ZBTB7C: variants seen among roughly 807,000 people sequenced by gnomAD.
ZBTB7C encodes the protein zinc finger and BTB domain-containing protein 7C.
In ZBTB7C, 8 loss-of-function variants were observed where a neutral mutation model predicts 25.7. The observed-to-expected ratio is 0.31, with a 90% CI of 0.18 to 0.56. ZBTB7C has a LOEUF of 0.56. Ranked by LOEUF, ZBTB7C falls within the 20% of genes least tolerant of loss-of-function variation. ZBTB7C has a pLI of 0.91. For synonymous variants in ZBTB7C, 394 were observed against 369.0 expected (o/e 1.07, Z -0.78); for missense variants, 824 against 855.2 (o/e 0.96, Z 0.46).
intron 3 of ZBTB7C, chr18:48,083,755 GAC>G: frequency 1.2e-6 from 1 of 868,296 alleles, no homozygotes; most frequent in South Asian, 5.3e-5. Context: ...AAGTTCCCCT[GAC>G]TGTAAATGGT....
At chr18:48,086,430 C>T (rs1249141737) in intron 3 of ZBTB7C, among the ~76,000 whole-genome samples, 1 of 152,150 alleles carries the variant, frequency 6.6e-6, no homozygotes, top group Non-Finnish European at 1.5e-5. Context: ...CTACCTACTG[C>T]CCTGTAAAGC....
intron 2 of ZBTB7C, among the ~76,000 whole-genome samples, chr18:48,222,254 T>G (rs2042981935): frequency 1.3e-5 from 2 of 152,176 alleles, no homozygotes; most frequent in Non-Finnish European, 2.9e-5. Context: ...AAGCATCCTG[T>G]GAACCCGGAT....
chr18:48,327,649 A>C (rs2046251379), intron 2 of ZBTB7C, among the ~76,000 whole-genome samples: 1 of 152,184 alleles, frequency 6.6e-6, no homozygotes, highest in Non-Finnish European at 1.5e-5. Flanking sequence ...CTTGGAGAAG[A>C]ATCGCTGGAG....
intron 3 of ZBTB7C, among the ~76,000 whole-genome samples, chr18:48,094,565 T>C (rs2038544075): frequency 6.6e-6 from 1 of 152,176 alleles, no homozygotes; most frequent in Non-Finnish European, 1.5e-5. Flanking sequence ...AGAAGGTAGA[T>C]TGAGTTCAGG....
At chr18:48,174,727 G>A (rs77543968) in intron 3 of ZBTB7C, among the ~76,000 whole-genome samples, 6,184 of 152,266 alleles carry the variant, frequency 0.041, 144 homozygotes, top group Middle Eastern at 0.088. Context: ...GACCTCTATG[G>A]GCTGATATGA....
chr18:48,324,514 C>T (rs1169562688), intron 2 of ZBTB7C, among the ~76,000 whole-genome samples: 1 of 151,886 alleles, frequency 6.6e-6, no homozygotes, highest in Non-Finnish European at 1.5e-5. Flanking sequence ...GTGGATACCC[C>T]AAAAACTCAC....
At chr18:48,172,338 T>A (rs1410911281) in intron 3 of ZBTB7C, among the ~76,000 whole-genome samples, 1 of 152,138 alleles carries the variant, frequency 6.6e-6, no homozygotes, top group Admixed American at 6.5e-5. Context: ...TTTGCACAGC[T>A]TGGTGGAGCA....
At chr18:48,326,783 T>C (rs967059557) in intron 2 of ZBTB7C, among the ~76,000 whole-genome samples, 7 of 152,126 alleles carry the variant, frequency 4.6e-5, no homozygotes, top group African/African-American at 1.7e-4. Flanking sequence ...AAATAAACAC[T>C]ATGGGGACAA....
At chr18:48,284,854 C>T (rs1266232378) in intron 2 of ZBTB7C, among the ~76,000 whole-genome samples, 1 of 151,154 alleles carries the variant, frequency 6.6e-6, no homozygotes, top group Admixed American at 6.6e-5. Flanking sequence ...TCCCCAGCCT[C>T]CTTTGGTTTT....
chr18:48,342,983 C>A (rs1479929618), intron 1 of ZBTB7C, among the ~76,000 whole-genome samples: 2 of 152,146 alleles, frequency 1.3e-5, no homozygotes, highest in African/African-American at 4.8e-5. Context: ...CCGACAGTAC[C>A]TGCTGGCTGG....
At chr18:48,101,968 A>G (rs767457428) in intron 3 of ZBTB7C, among the ~76,000 whole-genome samples, 1 of 152,242 alleles carries the variant, frequency 6.6e-6, no homozygotes, top group Non-Finnish European at 1.5e-5. Context: ...AAATAAGTAG[A>G]CATGCCAACA....
At chr18:48,099,951 A>G (rs2038772995) in intron 3 of ZBTB7C, among the ~76,000 whole-genome samples, 1 of 152,198 alleles carries the variant, frequency 6.6e-6, no homozygotes, top group South Asian at 2.1e-4. Flanking sequence ...AACCTGCTGG[A>G]CTGCAGCCTT....
intron 1 of ZBTB7C, among the ~76,000 whole-genome samples, chr18:48,355,905 C>T (rs2046967163): frequency 6.6e-6 from 1 of 152,228 alleles, no homozygotes; most frequent in African/African-American, 2.4e-5. Flanking sequence ...CCTAAGACCT[C>T]ACACCCCAGG....
At chr18:48,216,967 G>A (rs2042838644) in intron 2 of ZBTB7C, among the ~76,000 whole-genome samples, 1 of 152,208 alleles carries the variant, frequency 6.6e-6, no homozygotes, top group Admixed American at 6.5e-5. Context: ...ATAAAAAGGG[G>A]AGGTTTGGAC....
chr18:48,235,419 G>A lies in ZBTB7C; in HGVS notation c.-78-49424C>T, dbSNP rs571937304. On this transcript the variant is annotated intron_variant, in intron 2 of 4. Transcript: ENST00000590800. ...TTTCTTCACCAAATCAAGGACTGTA[G>A]AGCACTTTGTGCTCATTTCATTCTA... Among the ~76,000 whole-genome samples the A allele has an allele frequency of 2.6e-5, 4 of 152,150 alleles. No homozygotes were observed. In the South Asian group the frequency reaches 8.3e-4, roughly 32 times the overall value.
intron 2 of ZBTB7C, among the ~76,000 whole-genome samples, chr18:48,260,990 G>T (rs2044155790): frequency 6.6e-6 from 1 of 152,180 alleles, no homozygotes; most frequent in African/African-American, 2.4e-5. Flanking sequence ...AAAATGAAGG[G>T]CAGCAAGGAA....
intron 2 of ZBTB7C, among the ~76,000 whole-genome samples, chr18:48,210,358 T>A (rs1438305706): frequency 6.6e-6 from 1 of 152,180 alleles, no homozygotes; most frequent in African/African-American, 2.4e-5. Context: ...AGCTTATACA[T>A]GAACTTCACA....
At chr18:48,110,247 G>A (rs935315989) in intron 3 of ZBTB7C, among the ~76,000 whole-genome samples, 1 of 152,088 alleles carries the variant, frequency 6.6e-6, no homozygotes, top group Admixed American at 6.5e-5. Flanking sequence ...TGATCCGAGG[G>A]TGGCACACCC....
chr18:48,283,735 A>C (rs1242155928), intron 2 of ZBTB7C, among the ~76,000 whole-genome samples: 1 of 152,216 alleles, frequency 6.6e-6, no homozygotes, highest in East Asian at 1.9e-4. Context: ...TTCACCTGTA[A>C]AATAAGTATA....
Sources: allele counts gnomAD v4.1 joint callset (sites outside exome capture counted in the v4.1 genomes callset), GRCh38; gene constraint gnomAD v4.1.1; transcripts MANE v1.5; gene names NCBI Gene and HGNC (gene_info 2026-07-23, HGNC 2026-07-21).